The following CPOX variants were observed in gnomAD, a reference collection of about 807,000 sequenced individuals.
The protein encoded by CPOX is coproporphyrinogen oxidase.
CPOX carries 24 observed loss-of-function variants against 48.9 expected under a neutral mutation model. That is an observed-to-expected ratio of 0.49 (90% CI 0.36 to 0.69). CPOX has a LOEUF of 0.69. Among genes scored for constraint, CPOX ranks in the 30% least tolerant of loss-of-function variants. The pLI, the probability that CPOX is intolerant of heterozygous loss-of-function variation, is 0.00. For missense variants in CPOX, 549 were observed against 597.3 expected, an observed-to-expected ratio of 0.92 and a Z score of 0.84; for synonymous variants, 249 against 234.6, an observed-to-expected ratio of 1.06 and a Z score of -0.56.
chr3:98,591,282 GTACAA>G (rs777025757), intron 1 of CPOX, 127 bp from the exon 2 acceptor site: 14 of 994,890 alleles, frequency 1.4e-5, no homozygotes, highest in South Asian at 1.1e-4. Flanking sequence ...ATCATTTTAT[GTACAA>G]TACAATTAGA....
At chr3:98,590,986 G>T in intron 2 of CPOX, 26 bp downstream of exon 2, 1 of 1,613,360 alleles carries the variant, frequency 6.2e-7, no homozygotes, top group Non-Finnish European at 8.5e-7. Context: ...GGGACTATTA[G>T]AGACTATCAA....
chr3:98,578,479 C>T (rs1319039921), downstream of CPOX, among the ~76,000 whole-genome samples: 3 of 152,132 alleles, frequency 2.0e-5, no homozygotes, highest in African/African-American at 7.2e-5. Context: ...TTCACATATA[C>T]AATAAAATTC....
At chr3:98,586,879 G>A (rs1228267727) in intron 4 of CPOX, among the ~76,000 whole-genome samples, 1 of 152,154 alleles carries the variant, frequency 6.6e-6, no homozygotes, top group East Asian at 1.9e-4. Flanking sequence ...GGAAGGCAGA[G>A]CTTGCAGTGA....
At chr3:98,583,060 T>C (rs1707291340) in intron 5 of CPOX, among the ~76,000 whole-genome samples, 1 of 152,198 alleles carries the variant, frequency 6.6e-6, no homozygotes, top group Admixed American at 6.5e-5. Context: ...AACATCTCTC[T>C]AGGGGATGGG....
intron 2 of CPOX, 128 bp downstream of exon 2, chr3:98,590,883 AT>A: frequency 7.9e-7 from 1 of 1,268,986 alleles, no homozygotes; most frequent in East Asian, 2.4e-5. Context: ...TTAAAAAAGT[AT>A]TTGTCAACGT....
In CPOX at chr3:98,591,061, T is replaced by A. The variant is rs138479596; in HGVS notation, c.651A>T (p.Glu217Asp). The A allele has an allele frequency of 5.6e-5, 91 of 1,614,196 alleles. No homozygotes were observed. The East Asian group carries it at 1.2e-3, about 21-fold the overall frequency. The change falls in exon 2 of 7, where the codon GAA becomes GAT. Residue 217 changes from glutamate (E) to aspartate (D), a missense_variant. Glu to Asp is a conservative substitution (Grantham distance 45). This residue lies in a region of CPOX where 336 missense variants were observed against 318.1 expected (regional missense o/e 1.06). Transcript: ENST00000647941. ...ISVVHGNLSE[E>D]AAKQMRSRGK... ...CTCTGCTTCTCATTTGTTTTGCAGCTTCCTCTGAAAGATTTCCATGAACAA... is the reference window on the plus strand; with the variant it reads ...CTCTGCTTCTCATTTGTTTTGCAGCATCCTCTGAAAGATTTCCATGAACAA...
chr3:98,586,946 A>AAAACAAAC (rs3834792), intron 4 of CPOX, among the ~76,000 whole-genome samples: 22 of 152,076 alleles, frequency 1.4e-4, no homozygotes, highest in Admixed American at 1.4e-3. Flanking sequence ...TCCATCTCAA[A>AAAACAAAC]AAACAAACAA....
At chr3:98,574,618 G>A (rs181399214), downstream of CPOX, among the ~76,000 whole-genome samples, 108 of 152,304 alleles carry the variant, frequency 7.1e-4, no homozygotes, top group Admixed American at 1.9e-3. Flanking sequence ...GTTTCGCGCC[G>A]TCGCGCAGGC....
In CPOX at chr3:98,593,351, C is replaced by G. The variant is rs929085114; in HGVS notation, c.154G>C (p.Gly52Arg). 9 of 1,342,322 alleles carry G rather than the reference C, an allele frequency of 6.7e-6. No homozygotes were observed. Among genetic ancestry groups the G allele is most frequent in the Non-Finnish European group, 8.5e-6 (9 of 1,059,042 alleles). 83.2% of individuals were successfully genotyped at this position (1,342,322 alleles called of 1,614,324 possible). A position where few individuals can be genotyped will look rare whatever the true frequency, so the allele number is the denominator to read the frequency against. Residue 52 changes from glycine to arginine, a missense_variant, in exon 1 of 7, where the codon GGC becomes CGC. By Grantham distance (125) the Gly-to-Arg change is moderately radical. Transcript: ENST00000647941. ...SAAGRVCRPPGPAGTEQSRGL... is the reference protein window; with the variant it reads ...SAAGRVCRPPRPAGTEQSRGL... ...CGGCTCTGCTCCGTGCCAGCCGGGCCAGGGGGCCGGCAGACGCGTCCGGCT... is the reference window on the plus strand; with the variant it reads ...CGGCTCTGCTCCGTGCCAGCCGGGCGAGGGGGCCGGCAGACGCGTCCGGCT...
downstream of CPOX, among the ~76,000 whole-genome samples, chr3:98,577,737 C>T (rs1042267256): frequency 6.6e-5 from 10 of 152,170 alleles, no homozygotes; most frequent in Non-Finnish European, 1.0e-4. Context: ...CCATGGAATT[C>T]GTGCTCTGAG....
rs570661497 is a variant in CPOX, at chr3:98,579,694, G to A, written c.*989C>T. 1.0e-6 allele frequency: 1 copy of A among 985,122 alleles called. No homozygotes were observed. 61.0% of individuals were successfully genotyped at this position (985,122 alleles called of 1,614,324 possible). On this transcript the variant is annotated 3_prime_UTR_variant, in exon 7 of 7. Coordinates refer to ENST00000647941, the MANE Select transcript of CPOX (RefSeq NM_000097.7). Reference sequence around the variant, plus strand: ...GTTGTGATTTGCTCTTAAGAGCAAAGAGCTGCAGAATCTCTAATATAAAAA... The same window carrying A: ...GTTGTGATTTGCTCTTAAGAGCAAAAAGCTGCAGAATCTCTAATATAAAAA...
At chr3:98,583,475 G>A (rs945226040) in intron 5 of CPOX, among the ~76,000 whole-genome samples, 4 of 152,118 alleles carry the variant, frequency 2.6e-5, no homozygotes, top group Admixed American at 2.0e-4. Flanking sequence ...TCTCTGGGGT[G>A]CCTATAAGTT....
rs560698196 is a variant in CPOX at position 98,585,824 on chromosome 3, T to A, written c.954-165A>T. ...GAAATGAGGACTTTAGACAGATAGA[T>A]TTTTTGCAGATATCACCAAGGTAGA... On this transcript the variant is annotated intron_variant, in intron 4 of 6. Coordinates refer to ENST00000647941, the MANE Select transcript of CPOX (RefSeq NM_000097.7). The A allele has an allele frequency of 4.6e-4, 309 of 678,452 alleles. 2 individuals are homozygous for A. The African/African-American group carries it at 4.8e-3, about 11-fold the overall frequency. The allele number at this position is 678,452 out of a possible 1,614,324, so 42.0% of individuals were successfully genotyped here. A position where few individuals can be genotyped will look rare whatever the true frequency, so the allele number is the denominator to read the frequency against.
At chr3:98,575,144 C>T (rs1299228990), downstream of CPOX, among the ~76,000 whole-genome samples, 2 of 152,196 alleles carry the variant, frequency 1.3e-5, no homozygotes, top group Admixed American at 6.5e-5. Context: ...CTTGCTATTA[C>T]ATAAGAGGCA....
At chr3:98,578,229 A>G (rs188883093), downstream of CPOX, 324 of 965,706 alleles carry the variant, frequency 3.4e-4, 1 homozygote, top group African/African-American at 5.4e-3. Context: ...TTCTTTTCAG[A>G]CATAGTCTAA....
At position 98,581,490 on chromosome 3, in the gene CPOX, C is replaced by G. The variant is rs748835805; in HGVS notation, c.1194G>C (p.Leu398=). The G allele has an allele frequency of 6.2e-7, 1 of 1,613,802 alleles. No individual in the cohort carries two copies. The highest frequency in any genetic ancestry group is 1.7e-5 in the Admixed American group (1 of 60,006). The change falls in exon 6 of 7, where the codon CTG becomes CTC. Residue 398 remains leucine, a synonymous_variant. Transcript: ENST00000647941. The stretch of plus-strand genomic sequence containing the variant: ...GGCCAAACTTTGTGCCCCGATCATA[C>G]AGCAGATTAAATTCTACATACCTGC... ...RRGRYVEFNL[L]YDRGTKFGLF...
chr3:98,580,654 C>T lies in CPOX; in HGVS notation c.*29G>A, dbSNP rs763424233. ...TGGGGAGCACACATCGTGTGCCCTC[C>T]AAACCCCTGCACAGCCATTCTGCCT... On this transcript the variant is annotated 3_prime_UTR_variant, in exon 7 of 7. Coordinates refer to ENST00000647941, the MANE Select transcript of CPOX (RefSeq NM_000097.7). 5.6e-6 allele frequency: 9 copies of T among 1,613,652 alleles called. No homozygotes were observed. In the African/African-American group the frequency reaches 1.2e-4, roughly 22 times the overall value.
At chr3:98,572,208 GAA>G in the CPOX span, among the ~76,000 whole-genome samples, 1 of 152,052 alleles carries the variant, frequency 6.6e-6, no homozygotes, top group Non-Finnish European at 1.5e-5. Context: ...TTCTCCTTGT[GAA>G]TATAGTTATG....
At chr3:98,571,765 AT>A in the CPOX span, among the ~76,000 whole-genome samples, 1 of 151,942 alleles carries the variant, frequency 6.6e-6, no homozygotes, top group African/African-American at 2.4e-5. Context: ...TATTGTTTAT[AT>A]TATCAGTATT....
Sources: allele counts gnomAD v4.1 joint callset (sites outside exome capture counted in the v4.1 genomes callset), GRCh38; gene constraint gnomAD v4.1.1; regional missense constraint gnomAD v4.1.1; transcripts MANE v1.5; gene names NCBI Gene and HGNC (gene_info 2026-07-23, HGNC 2026-07-21).